The following ZNF443 variants were observed in gnomAD, a reference collection of about 807,000 sequenced individuals.
ZNF443 encodes Kruppel-type zinc finger (C2H2).
ZNF443 carries 3 observed loss-of-function variants against 12.0 expected under a neutral mutation model. The observed-to-expected ratio is 0.25, with a 90% CI of 0.11 to 0.64. ZNF443 has a LOEUF of 0.64. Among genes scored for constraint, ZNF443 ranks in the 30% least tolerant of loss-of-function variants. The pLI is 0.84. For missense variants in ZNF443, 770 were observed against 808.8 expected, an observed-to-expected ratio of 0.95 and a Z score of 0.58; for synonymous variants, 225 against 265.9, an observed-to-expected ratio of 0.85 and a Z score of 1.50.
At position 12,430,672 on chromosome 19, in the gene ZNF443, T is replaced by G; in HGVS notation, c.1500A>C (p.Gly500=). 1 of 1,614,138 alleles carries G rather than the reference T, an allele frequency of 6.2e-7. No homozygotes were observed. Among genetic ancestry groups the G allele is most frequent in the Non-Finnish European group, 8.5e-7 (1 of 1,179,978 alleles). Residue 500 remains glycine (G), a synonymous_variant, in exon 4 of 4, where the codon GGA becomes GGC. Transcript: ENST00000301547. ...SFQNHKTTHT[G]EKPYECKECG... ...ATTCCTTACACTCATATGGCTTCTC[T>G]CCAGTGTGAGTTGTTTTGTGATTTT...
chr19:12,437,198 C>CA (rs1456566109), intron 1 of ZNF443, among the ~76,000 whole-genome samples: 2 of 151,948 alleles, frequency 1.3e-5, no homozygotes, highest in Non-Finnish European at 2.9e-5. Context: ...AGCCCACACT[C>CA]AGCAACACAA....
chr19:12,434,797 C>A (rs1213880498), intron 1 of ZNF443, among the ~76,000 whole-genome samples: 2 of 152,028 alleles, frequency 1.3e-5, no homozygotes, highest in Non-Finnish European at 2.9e-5. Context: ...ATCTCTCCCC[C>A]ATCAATGACA....
Position 12,431,586 on chromosome 19 carries a change from G to A in ZNF443, c.586C>T (p.Pro196Ser), listed in dbSNP as rs148628703. Residue 196 changes from proline (P) to serine (S), a missense_variant, in exon 4 of 4, where the codon CCT becomes TCT. Around this residue, in one of 3 missense-constraint regions of ZNF443, gnomAD observed 736 missense variants for 689.4 expected, o/e 1.07. Coordinates refer to ENST00000301547, the MANE Select transcript of ZNF443 (RefSeq NM_005815.5). ...TTCCCACACAACTTACATTTATAAG[G>A]TCCATCTCCACGCTGCACTGCCATG... ...RHMAVQRGDG[P>S]YKCKLCGKAF... The A allele has an allele frequency of 2.9e-4, 470 of 1,614,118 alleles. 3 individuals carry two copies. The African/African-American group carries it at 5.4e-3, about 19-fold the overall frequency.
chr19:12,438,690 A>G (rs1970337585), intron 1 of ZNF443, among the ~76,000 whole-genome samples: 1 of 152,200 alleles, frequency 6.6e-6, no homozygotes, highest in South Asian at 2.1e-4. Flanking sequence ...TCCGAAAAAC[A>G]AACACACCTG....
chr19:12,440,925 C>A lies in ZNF443; in HGVS notation c.-11G>T, dbSNP rs375219476. On this transcript the variant is annotated 5_prime_UTR_variant, in exon 1 of 4. Transcript: ENST00000301547. ...CAGCACACGCACCATTTCCCGACTTCCGCGGTGTCCCAGGTCCTACCGACA... is the reference window on the plus strand; with the variant it reads ...CAGCACACGCACCATTTCCCGACTTACGCGGTGTCCCAGGTCCTACCGACA... 606 of 1,614,108 alleles carry A rather than the reference C, an allele frequency of 3.8e-4. 1 individual carries two copies. Among genetic ancestry groups the A allele is most frequent in the Non-Finnish European group, 4.8e-4 (571 of 1,179,984 alleles).
At chr19:12,435,453 G>A (rs2144954955) in intron 1 of ZNF443, among the ~76,000 whole-genome samples, 1 of 152,322 alleles carries the variant, frequency 6.6e-6, no homozygotes, top group East Asian at 1.9e-4. Context: ...AAGAGAAAAT[G>A]TCCTCCAGAT....
intron 1 of ZNF443, among the ~76,000 whole-genome samples, chr19:12,437,013 G>A (rs1348797367): frequency 6.6e-6 from 1 of 151,334 alleles, no homozygotes; most frequent in Non-Finnish European, 1.5e-5. Flanking sequence ...TACCCTAAAA[G>A]CCAGTACAGT....
chr19:12,439,316 T>G (rs986832357), intron 1 of ZNF443, among the ~76,000 whole-genome samples: 2 of 151,966 alleles, frequency 1.3e-5, no homozygotes, highest in Non-Finnish European at 2.9e-5. Flanking sequence ...GAAGAAAAGG[T>G]GAGTGTCCCA....
rs748142290 is a variant in ZNF443, at chr19:12,430,737, A to C, written c.1435T>G (p.Cys479Gly). 4.3e-6 allele frequency: 7 copies of C among 1,612,682 alleles called. No homozygotes were observed. Among genetic ancestry groups the C allele is most frequent in the Non-Finnish European group, 5.9e-6 (7 of 1,179,106 alleles). Residue 479 changes from cysteine (C) to glycine (G), a missense_variant, in exon 4 of 4, where the codon TGC (cysteine) becomes GGC (glycine). Physicochemically the swap from Cys to Gly is radical, Grantham distance 159. This residue lies in a region of ZNF443 where 736 missense variants were observed against 689.4 expected (regional missense o/e 1.07). Transcript: ENST00000301547. ...TCAATACAGGCTTTCCCAAGTTTGCATTTATAGGGTTTCTCTCCAGTATGA... is the reference window on the plus strand; with the variant it reads ...TCAATACAGGCTTTCCCAAGTTTGCCTTTATAGGGTTTCTCTCCAGTATGA... ...TTHTGEKPYK[C>G]KLGKACIDFC...
At chr19:12,434,995 CG>C (rs960520329) in intron 1 of ZNF443, among the ~76,000 whole-genome samples, 2 of 147,264 alleles carry the variant, frequency 1.4e-5, no homozygotes, top group African/African-American at 5.1e-5. Context: ...GCTCTGTCAC[CG>C]AGACTGGAGT....
At position 12,430,352 on chromosome 19, in the gene ZNF443, T is replaced by C; in HGVS notation, c.1820A>G (p.Glu607Gly). The C allele has an allele frequency of 6.2e-7, 1 of 1,613,812 alleles. No individual in the cohort carries two copies. The highest frequency in any genetic ancestry group is 8.5e-7 in the Non-Finnish European group (1 of 1,179,782). ...FTHSRFLQGH[E>G]KTHTGENPYE... ...CGGGTTCTCTCCAGTATGAGTTTTT[T>C]CATGTCCTTGAAGAAAACGGGAATG... The change falls in exon 4 of 4, where the codon GAA becomes GGA. Residue 607 changes from glutamate (E) to glycine (G), a missense_variant. Physicochemically the swap from Glu to Gly is moderately conservative, Grantham distance 98. Coordinates refer to ENST00000301547, the MANE Select transcript of ZNF443 (RefSeq NM_005815.5).
At position 12,431,081 on chromosome 19, in the gene ZNF443, G is replaced by A. The variant is rs757547901; in HGVS notation, c.1091C>T (p.Pro364Leu). Residue 364 changes from proline (P) to leucine (L), a missense_variant, in exon 4 of 4, where the codon CCT (proline) becomes CTT (leucine). By Grantham distance (98) the Pro-to-Leu change is moderately conservative (BLOSUM62 -3). Coordinates refer to ENST00000301547, the MANE Select transcript of ZNF443 (RefSeq NM_005815.5). ...TTTCCCACATATCTTACATTTATGA[G>A]GTCCATTTCCAGTGTGCCTTATCAT... ...RHMIRHTGNG[P>L]HKCKICGKGF... The A allele has an allele frequency of 3.1e-6, 5 of 1,613,958 alleles. No individual in the cohort carries two copies. In the African/African-American group the frequency reaches 4.0e-5, roughly 13 times the overall value.
chr19:12,430,560 TA>T lies in ZNF443; in HGVS notation c.1611del (p.Cys537Ter), dbSNP rs1342456627. 1 of 1,614,080 alleles carries T rather than the reference TA, an allele frequency of 6.2e-7. No individual in the cohort carries two copies. The highest frequency in any genetic ancestry group is 1.7e-5 in the Admixed American group (1 of 60,016). ...TTATCATAATGACCGAAGGCTTTCC[TA>T]CATGTTTTACACTCATAAGGTTTCT... is the stretch of plus-strand genomic sequence containing the variant. ...TGEKPYECKT[C>X]RKAFGHYDNL... is the part of the protein sequence containing the mutation. On this transcript the variant is annotated frameshift_variant, in exon 4 of 4. Coordinates refer to ENST00000301547, the MANE Select transcript of ZNF443 (RefSeq NM_005815.5). LOFTEE classifies it low-confidence loss of function (END_TRUNC).
chr19:12,434,495 T>A (rs559156871), intron 1 of ZNF443, among the ~76,000 whole-genome samples: 3 of 152,144 alleles, frequency 2.0e-5, no homozygotes, highest in South Asian at 4.1e-4. Flanking sequence ...AAGAACTCAA[T>A]GTCATCTCTC....
intron 1 of ZNF443, among the ~76,000 whole-genome samples, chr19:12,433,850 AAAAAG>A (rs1284129107): frequency 6.6e-6 from 1 of 152,018 alleles, no homozygotes; most frequent in Non-Finnish European, 1.5e-5. Context: ...AAAAAAAAAA[AAAAAG>A]AAAAAAAAAG....
chr19:12,431,154 G>A lies in ZNF443; in HGVS notation c.1018C>T (p.Gln340Ter). ...TGATGAAACGCTTTCCCACATTGCTGACATGCATAGGGTTTCTCTGCACTG... is the reference window on the plus strand; with the variant it reads ...TGATGAAACGCTTTCCCACATTGCTAACATGCATAGGGTTTCTCTGCACTG... ...THSAEKPYAC[Q>*]QCGKAFHHLG... The change falls in exon 4 of 4, where the codon CAG becomes TAG. Residue 340 changes from glutamine (Q) to a stop codon, truncating the protein, a stop_gained. Coordinates refer to ENST00000301547, the MANE Select transcript of ZNF443 (RefSeq NM_005815.5). LOFTEE classifies it low-confidence loss of function (END_TRUNC). The A allele has an allele frequency of 3.7e-6, 6 of 1,613,028 alleles. No homozygotes were observed. The highest frequency in any genetic ancestry group is 5.1e-6 in the Non-Finnish European group (6 of 1,179,686).
In ZNF443 at chr19:12,431,657, T is replaced by G; in HGVS notation, c.515A>C (p.Lys172Thr). 1.2e-6 allele frequency: 2 copies of G among 1,614,174 alleles called. No individual in the cohort carries two copies. The highest frequency in any genetic ancestry group is 1.1e-5 in the South Asian group (1 of 91,074). ...LHTGKKPYDCKECGKSFSSLG... is the reference protein window; with the variant it reads ...LHTGKKPYDCTECGKSFSSLG... ...AGAACTGAAGGACTTCCCACATTCT[T>G]TACAATCATATGGTTTCTTTCCAGT... is the stretch of plus-strand genomic sequence containing the variant. The change falls in exon 4 of 4, where the codon AAA (lysine) becomes ACA (threonine). Residue 172 changes from lysine (K) to threonine (T), a missense_variant. Physicochemically the swap from Lys to Thr is moderately conservative, Grantham distance 78. This residue lies in a region of ZNF443 where 736 missense variants were observed against 689.4 expected (regional missense o/e 1.07). Transcript: ENST00000301547.
At position 12,441,001 on chromosome 19, in the gene ZNF443, T is replaced by G; in HGVS notation, c.-87A>C. On this transcript the variant is annotated 5_prime_UTR_variant, in exon 1 of 4. Coordinates refer to ENST00000301547, the MANE Select transcript of ZNF443 (RefSeq NM_005815.5). ...GCCAGACAAAGGCTGCCTCAGAACT[T>G]CCAGGTCGTCTCTCAGCTACAGAAC... 6.2e-7 allele frequency: 1 copy of G among 1,609,688 alleles called. No homozygotes were observed. The highest frequency in any genetic ancestry group is 8.5e-7 in the Non-Finnish European group (1 of 1,177,530).
Position 12,440,893 on chromosome 19 carries a change from G to C in ZNF443, c.3+19C>G, listed in dbSNP as rs1464839005. Reference sequence around the variant, plus strand: ...CCTAACCCCTCCCCCGCCTCGGGACGCCGGCCCAGCACACGCACCATTTCC... The same window carrying C: ...CCTAACCCCTCCCCCGCCTCGGGACCCCGGCCCAGCACACGCACCATTTCC... On this transcript the variant is annotated intron_variant, in intron 1 of 3. Coordinates refer to ENST00000301547, the MANE Select transcript of ZNF443 (RefSeq NM_005815.5). 1 of 1,613,898 alleles carries C rather than the reference G, an allele frequency of 6.2e-7. No homozygotes were observed. The highest frequency in any genetic ancestry group is 1.3e-5 in the African/African-American group (1 of 74,938).
Sources: allele counts gnomAD v4.1 joint callset (sites outside exome capture counted in the v4.1 genomes callset), GRCh38; gene constraint gnomAD v4.1.1; regional missense constraint gnomAD v4.1.1; transcripts MANE v1.5; gene names NCBI Gene and HGNC (gene_info 2026-07-23, HGNC 2026-07-21).